Variants in MAST4 observed in about 807,000 individuals in gnomAD.
The protein encoded by MAST4 is microtubule-associated serine/threonine-protein kinase 4.
Under a neutral mutation model 162.7 loss-of-function variants are expected in MAST4, and 89 were observed. The observed-to-expected ratio is 0.55, with a 90% CI of 0.46 to 0.65. MAST4 has a LOEUF of 0.65. Among genes scored for constraint, MAST4 ranks in the 30% least tolerant of loss-of-function variants. The pLI, the probability that MAST4 is intolerant of heterozygous loss-of-function variation, is 0.00. For missense variants in MAST4, 3,153 were observed against 3,374.0 expected, an observed-to-expected ratio of 0.93 and a Z score of 1.62; for synonymous variants, 1,479 against 1,361.1, an observed-to-expected ratio of 1.09 and a Z score of -1.91.
At chr5:66,809,634 TA>T (rs1756379424) in intron 3 of MAST4, among the ~76,000 whole-genome samples, 1 of 152,194 alleles carries the variant, frequency 6.6e-6, no homozygotes, top group Admixed American at 6.5e-5. Context: ...CAGAAAGGTA[TA>T]AAATAAAAAA....
chr5:67,019,675 C>T (rs915859023), intron 4 of MAST4, among the ~76,000 whole-genome samples: 3 of 152,112 alleles, frequency 2.0e-5, no homozygotes, highest in African/African-American at 7.2e-5. Context: ...ATACTTTCTG[C>T]TTTTTTAGGG....
At chr5:66,851,624 A>G (rs1233119196) in intron 3 of MAST4, among the ~76,000 whole-genome samples, 2 of 152,174 alleles carry the variant, frequency 1.3e-5, no homozygotes, top group Non-Finnish European at 2.9e-5. Context: ...TTAATGTTTT[A>G]AAAACCTGTG....
chr5:66,973,462 G>C (rs1179841462), intron 4 of MAST4, among the ~76,000 whole-genome samples: 1 of 152,056 alleles, frequency 6.6e-6, no homozygotes, highest in African/African-American at 2.4e-5. Flanking sequence ...TGATGGCTTT[G>C]TCATCTTTAG....
chr5:66,789,672 CCT>C, intron 3 of MAST4: 1 of 515,506 alleles, frequency 1.9e-6, no homozygotes, highest in South Asian at 1.4e-5. Context: ...TCCATCTGCC[CCT>C]CTCTGTGATG....
At chr5:67,116,902 A>G (rs1766988393) in intron 12 of MAST4, among the ~76,000 whole-genome samples, 1 of 152,158 alleles carries the variant, frequency 6.6e-6, no homozygotes, top group African/African-American at 2.4e-5. Context: ...CATACCTTAG[A>G]CTTGTCCTTT....
intron 3 of MAST4, among the ~76,000 whole-genome samples, chr5:66,845,732 C>T (rs191021213): frequency 5.7e-4 from 86 of 152,182 alleles, no homozygotes; most frequent in African/African-American, 1.9e-3. Context: ...TGCTACCAAC[C>T]GTGTAAAAGC....
At chr5:67,107,854 T>C (rs1765768848) in intron 10 of MAST4, among the ~76,000 whole-genome samples, 1 of 152,244 alleles carries the variant, frequency 6.6e-6, no homozygotes, top group South Asian at 2.1e-4. Context: ...TAGGAAGCTC[T>C]AACCTACTCT....
At chr5:66,628,303 G>A (rs1009526606) in intron 1 of MAST4, among the ~76,000 whole-genome samples, 34 of 151,418 alleles carry the variant, frequency 2.2e-4, no homozygotes, top group Admixed American at 5.3e-4. Flanking sequence ...CAAAGTGCTG[G>A]AGTGACAAGC....
intron 1 of MAST4, among the ~76,000 whole-genome samples, chr5:66,600,621 A>C (rs9884991): frequency 1.3e-5 from 2 of 152,124 alleles, no homozygotes; most frequent in Admixed American, 1.3e-4. Flanking sequence ...ATTGAAGGGT[A>C]CCTGTGTGTA....
chr5:66,704,777 G>A (rs986894755), intron 1 of MAST4, among the ~76,000 whole-genome samples: 4 of 152,120 alleles, frequency 2.6e-5, no homozygotes, highest in Admixed American at 6.5e-5. Flanking sequence ...TGGGATTACA[G>A]GCGTGTCTTC....
chr5:66,662,676 G>A (rs1746986500), intron 1 of MAST4: 1 of 151,976 alleles, frequency 6.6e-6, no homozygotes, highest in African/African-American at 2.4e-5. Flanking sequence ...GCTTCCATCT[G>A]TTTAAAGATA....
chr5:66,969,211 C>T (rs1447172087), intron 4 of MAST4, among the ~76,000 whole-genome samples: 1 of 152,106 alleles, frequency 6.6e-6, no homozygotes, highest in Non-Finnish European at 1.5e-5. Context: ...TTTAGAGCTG[C>T]CATTCTCCAT....
chr5:66,665,672 C>T (rs140351096), intron 1 of MAST4, among the ~76,000 whole-genome samples: 58 of 152,226 alleles, frequency 3.8e-4, no homozygotes, highest in East Asian at 1.9e-3. Context: ...GTCGTTAAGA[C>T]GGGCAACTTG....
chr5:66,792,004 T>C (rs1755434410), intron 3 of MAST4, among the ~76,000 whole-genome samples: 1 of 152,202 alleles, frequency 6.6e-6, no homozygotes, highest in Admixed American at 6.5e-5. Flanking sequence ...TGGTACCACT[T>C]GTCGAACCAC....
chr5:67,049,987 CCTTT>C lies in MAST4; in HGVS notation c.675-4413_675-4410del, dbSNP rs1213478960. ...TGAAACTTTTACAGGTCCCACCAAG[CCTTT>C]CTTATGGAGCACAGAGCATAAGGAC... On this transcript the variant is annotated intron_variant, in intron 4 of 28. Transcript: ENST00000403625. Among the ~76,000 whole-genome samples, 2 of 152,094 alleles carry C rather than the reference CCTTT, an allele frequency of 1.3e-5. 1 individual carries two copies. The highest frequency in any genetic ancestry group is 3.9e-4 in the East Asian group (2 of 5,186).
At chr5:66,844,714 T>C (rs1430022131) in intron 3 of MAST4, among the ~76,000 whole-genome samples, 2 of 152,074 alleles carry the variant, frequency 1.3e-5, no homozygotes, top group African/African-American at 2.4e-5. Context: ...ACATAGTAGA[T>C]GCTCAAGAAA....
chr5:66,726,933 G>A (rs897687980), intron 1 of MAST4, among the ~76,000 whole-genome samples: 5 of 152,112 alleles, frequency 3.3e-5, no homozygotes, highest in South Asian at 2.1e-4. Context: ...AGATCATTTG[G>A]CAGAGGGGTG....
chr5:66,984,524 G>T (rs1041254068), intron 4 of MAST4, among the ~76,000 whole-genome samples: 3 of 152,194 alleles, frequency 2.0e-5, no homozygotes, highest in African/African-American at 7.2e-5. Flanking sequence ...ATAGGTATAC[G>T]TGGAAAACAC....
At chr5:66,617,586 A>C (rs1743779836) in intron 1 of MAST4, among the ~76,000 whole-genome samples, 2 of 152,148 alleles carry the variant, frequency 1.3e-5, no homozygotes, top group Admixed American at 1.3e-4. Context: ...GCTGTGCCTG[A>C]ATTCCTGGCT....
Sources: gnomAD v4.1 joint callset for allele counts (sites outside exome capture counted in the v4.1 genomes callset) on GRCh38, gnomAD v4.1.1 for gene constraint, MANE v1.5 for transcripts, NCBI Gene and HGNC (gene_info 2026-07-23, HGNC 2026-07-21) for gene names.